Variants in TYW1B observed in about 807,000 individuals in gnomAD.
TYW1B encodes tRNA-yW synthesizing protein 1 homolog B.
A neutral mutation model predicts 86.9 loss-of-function variants in TYW1B; 73 were observed. The ratio of observed to expected loss-of-function variants is 0.84; its 90% CI spans 0.70 to 1.02. TYW1B has a LOEUF of 1.02. TYW1B is among the 50% of genes least tolerant of loss of function. TYW1B has a pLI of 0.00. For synonymous variants in TYW1B, 248 were observed against 292.8 expected, an observed-to-expected ratio of 0.85 and a Z score of 1.56; for missense variants, 637 against 827.4, an observed-to-expected ratio of 0.77 and a Z score of 2.82.
At chr7:72,619,501 C>T (rs1448091727) in intron 12 of TYW1B, among the ~76,000 whole-genome samples, 1 of 151,538 alleles carries the variant, frequency 6.6e-6, no homozygotes, top group African/African-American at 2.4e-5. Context: ...ATTAGCCGGG[C>T]ACGGTGGCGG....
intron 3 of TYW1B, among the ~76,000 whole-genome samples, chr7:72,815,059 A>G (rs1586005966): frequency 1.4e-5 from 2 of 139,620 alleles, no homozygotes; most frequent in South Asian, 2.3e-4. Flanking sequence ...ACACAGTGAG[A>G]CTCCATCTCA....
At chr7:72,656,523 G>A (rs782652035) in intron 11 of TYW1B, among the ~76,000 whole-genome samples, 26 of 152,108 alleles carry the variant, frequency 1.7e-4, no homozygotes, top group Non-Finnish European at 2.9e-4. Context: ...CATGAGAGTC[G>A]CTTCAACCTG....
intron 13 of TYW1B, among the ~76,000 whole-genome samples, chr7:72,597,196 A>G (rs1554432753): frequency 6.6e-6 from 1 of 151,954 alleles, no homozygotes; most frequent in East Asian, 1.9e-4. Context: ...GACAGATTAA[A>G]AGATACTACT....
At chr7:72,613,251 A>C (rs1399885205) in intron 13 of TYW1B, among the ~76,000 whole-genome samples, 2 of 152,186 alleles carry the variant, frequency 1.3e-5, no homozygotes, top group African/African-American at 4.8e-5. Flanking sequence ...CATTTAGCTC[A>C]CAAACCTGTT....
chr7:72,634,059 T>C (rs1457067139), intron 11 of TYW1B, among the ~76,000 whole-genome samples: 7 of 152,188 alleles, frequency 4.6e-5, no homozygotes, highest in African/African-American at 1.4e-4. Context: ...TACATCTTTA[T>C]GGCCACATTG....
At chr7:72,605,422 C>T (rs1203482594) in intron 13 of TYW1B, among the ~76,000 whole-genome samples, 7 of 151,234 alleles carry the variant, frequency 4.6e-5, no homozygotes, top group Non-Finnish European at 8.8e-5. Flanking sequence ...GGCGCAATCT[C>T]GGCTCACTGC....
At chr7:72,817,619 T>C (rs1788748592) in intron 2 of TYW1B, among the ~76,000 whole-genome samples, 1 of 151,936 alleles carries the variant, frequency 6.6e-6, no homozygotes, top group African/African-American at 2.4e-5. Context: ...CTAGGAGTTG[T>C]CCAGGTTCTT....
intron 11 of TYW1B, among the ~76,000 whole-genome samples, chr7:72,682,448 T>A (rs1813899066): frequency 6.6e-6 from 1 of 152,134 alleles, no homozygotes; most frequent in Non-Finnish European, 1.5e-5. Context: ...AAAATATACA[T>A]AAGAATTTTT....
At chr7:72,747,547 T>C (rs1554464068) in intron 7 of TYW1B, among the ~76,000 whole-genome samples, 1 of 152,232 alleles carries the variant, frequency 6.6e-6, no homozygotes, top group Non-Finnish European at 1.5e-5. Context: ...TGTCTATCTC[T>C]CTACCAGTAG....
chr7:72,713,101 C>T (rs1309380633), intron 10 of TYW1B, among the ~76,000 whole-genome samples: 1 of 150,572 alleles, frequency 6.6e-6, no homozygotes, highest in South Asian at 2.1e-4. Context: ...GAGTTCAAGA[C>T]CAGTTTGGCC....
intron 2 of TYW1B, among the ~76,000 whole-genome samples, chr7:72,823,380 G>A (rs1554480903): frequency 6.6e-6 from 1 of 151,852 alleles, no homozygotes; most frequent in African/African-American, 2.4e-5. Context: ...CCAACACTTT[G>A]GGAGGCCAAG....
At chr7:72,798,494 C>T (rs1331673242) in intron 6 of TYW1B, among the ~76,000 whole-genome samples, 5 of 152,144 alleles carry the variant, frequency 3.3e-5, no homozygotes, top group African/African-American at 1.2e-4. Flanking sequence ...CAGAGCCACA[C>T]AACAATATTC....
intron 2 of TYW1B, among the ~76,000 whole-genome samples, chr7:72,826,270 TA>T (rs1318006396): frequency 6.6e-6 from 1 of 152,194 alleles, no homozygotes; most frequent in Non-Finnish European, 1.5e-5. Flanking sequence ...CCATCAAGCC[TA>T]AATCGTTTCC....
intron 11 of TYW1B, among the ~76,000 whole-genome samples, chr7:72,646,644 G>A (rs543921868): frequency 6.6e-6 from 1 of 152,302 alleles, no homozygotes; most frequent in African/African-American, 2.4e-5. Flanking sequence ...AGAGTGCTGG[G>A]ATTACAGGTG....
At chr7:72,710,580 C>A (rs1421831835) in intron 10 of TYW1B, among the ~76,000 whole-genome samples, 1 of 152,172 alleles carries the variant, frequency 6.6e-6, no homozygotes, top group African/African-American at 2.4e-5. Context: ...AATCCCAGCA[C>A]TTTGGGAGGC....
At chr7:72,631,133 C>T (rs1812476577) in intron 11 of TYW1B, among the ~76,000 whole-genome samples, 1 of 151,690 alleles carries the variant, frequency 6.6e-6, no homozygotes, top group Non-Finnish European at 1.5e-5. Flanking sequence ...TTGGTAAATT[C>T]AGTTAATTAA....
At chr7:72,786,024 G>C (rs1788123741) in intron 6 of TYW1B, among the ~76,000 whole-genome samples, 1 of 151,928 alleles carries the variant, frequency 6.6e-6, no homozygotes, top group South Asian at 2.1e-4. Flanking sequence ...AGGCAGAATT[G>C]CATGAACCCG....
At chr7:72,777,556 A>C in intron 6 of TYW1B, 23 bp from the exon 7 acceptor site, 1 of 1,613,374 alleles carries the variant, frequency 6.2e-7, no homozygotes, top group Non-Finnish European at 8.5e-7. Context: ...AAAAGAATGA[A>C]ATCCAGAATT....
At chr7:72,692,179 C>G (rs1814182307) in intron 11 of TYW1B, among the ~76,000 whole-genome samples, 1 of 138,928 alleles carries the variant, frequency 7.2e-6, no homozygotes, top group East Asian at 2.1e-4. Context: ...ACACACCAGC[C>G]TAGGCAACAG....
Sources: gnomAD v4.1 joint callset for allele counts (sites outside exome capture counted in the v4.1 genomes callset) on GRCh38, gnomAD v4.1.1 for gene constraint, MANE v1.5 for transcripts, NCBI Gene and HGNC (gene_info 2026-07-23, HGNC 2026-07-21) for gene names.